CTDSPL2: variants seen among roughly 807,000 people sequenced by gnomAD.
The protein encoded by CTDSPL2 is CTD small phosphatase-like protein 2.
CTDSPL2 carries 5 observed loss-of-function variants against 60.0 expected under a neutral mutation model. That is an observed-to-expected ratio of 0.08 (90% CI 0.04 to 0.18). CTDSPL2 has a LOEUF of 0.18. Among genes scored for constraint, CTDSPL2 ranks in the 10% least tolerant of loss-of-function variants. The pLI, the probability that CTDSPL2 is intolerant of heterozygous loss-of-function variation, is 1.00. For synonymous variants in CTDSPL2, 186 were observed against 189.3 expected (o/e 0.98, Z 0.14); for missense variants, 370 against 548.8 (o/e 0.67, Z 3.26).
intron 1 of CTDSPL2, among the ~76,000 whole-genome samples, chr15:44,440,308 G>C: frequency 6.6e-6 from 1 of 151,160 alleles, no homozygotes; most frequent in East Asian, 1.9e-4. Flanking sequence ...CGATTTTCCT[G>C]CCTCAGCCTC....
chr15:44,484,322 A>G lies in CTDSPL2; in HGVS notation c.285A>G (p.Lys95=). Residue 95 remains lysine, a synonymous_variant, in exon 3 of 13, where the codon AAA becomes AAG. Transcript: ENST00000260327. ...CAAGAGCAGGAGAAAAACCTAACAA[A>G]CAGATATCTCGAGTAAGACGGAAAA... ...STPRAGEKPN[K]QISRVRRKSQ... The G allele has an allele frequency of 6.2e-7, 1 of 1,613,872 alleles. No homozygotes were observed. Among genetic ancestry groups the G allele is most frequent in the African/African-American group, 1.3e-5 (1 of 75,046 alleles).
chr15:44,467,904 A>C (rs563929237), intron 2 of CTDSPL2, among the ~76,000 whole-genome samples: 1 of 152,162 alleles, frequency 6.6e-6, no homozygotes. Flanking sequence ...AGAGTAGTAC[A>C]TAAATTTTTT....
intron 8 of CTDSPL2, among the ~76,000 whole-genome samples, chr15:44,505,453 G>C (rs923171211): frequency 6.6e-6 from 1 of 151,792 alleles, no homozygotes; most frequent in East Asian, 1.9e-4. Context: ...AAACATACGG[G>C]CCAGCCATGG....
chr15:44,445,935 CCTTT>C (rs1276035102), intron 1 of CTDSPL2, among the ~76,000 whole-genome samples: 1 of 146,212 alleles, frequency 6.8e-6, no homozygotes, highest in Non-Finnish European at 1.5e-5. Flanking sequence ...CTGTGCCTGG[CCTTT>C]TTTTTTTTTT....
intron 1 of CTDSPL2, among the ~76,000 whole-genome samples, chr15:44,429,141 T>C (rs1355362116): frequency 1.3e-5 from 2 of 152,234 alleles, no homozygotes; most frequent in Non-Finnish European, 2.9e-5. Context: ...TTTTCAATAA[T>C]AAACAGGAAC....
chr15:44,448,417 C>A, intron 1 of CTDSPL2: 1 of 248,140 alleles, frequency 4.0e-6, no homozygotes, highest in Non-Finnish European at 8.0e-6. Flanking sequence ...ATGGCCCAGG[C>A]CTGGACTCAT....
intron 1 of CTDSPL2, among the ~76,000 whole-genome samples, chr15:44,443,126 A>G (rs746235543): frequency 1.4e-4 from 22 of 152,224 alleles, no homozygotes; most frequent in Non-Finnish European, 2.6e-4. Context: ...CAGTGGTATT[A>G]AGTACATTCA....
intron 1 of CTDSPL2, chr15:44,448,667 G>A (rs923959725): frequency 1.2e-5 from 4 of 327,388 alleles, no homozygotes; most frequent in African/African-American, 9.0e-5. Flanking sequence ...CTAAATCCAT[G>A]CCCTCCATTC....
intron 8 of CTDSPL2, among the ~76,000 whole-genome samples, chr15:44,510,190 G>T (rs141938307): frequency 6.6e-6 from 1 of 152,012 alleles, no homozygotes; most frequent in African/African-American, 2.4e-5. Context: ...TAGAGACAGG[G>T]TTTCAACATG....
chr15:44,460,742 T>G (rs901498282), intron 2 of CTDSPL2, among the ~76,000 whole-genome samples: 3 of 152,186 alleles, frequency 2.0e-5, no homozygotes, highest in African/African-American at 4.8e-5. Context: ...TATAATTTCT[T>G]TGTTAATTTT....
At chr15:44,433,769 G>C (rs2079912705) in intron 1 of CTDSPL2, among the ~76,000 whole-genome samples, 1 of 151,764 alleles carries the variant, frequency 6.6e-6, no homozygotes, top group African/African-American at 2.4e-5. Context: ...GACCAACATG[G>C]TAAAACCCCG....
intron 5 of CTDSPL2, among the ~76,000 whole-genome samples, 192 bp downstream of exon 5, chr15:44,491,191 G>T: frequency 6.6e-6 from 1 of 152,138 alleles, no homozygotes; most frequent in Non-Finnish European, 1.5e-5. Flanking sequence ...TTTTTTAAAA[G>T]ATTTTGACTA....
intron 1 of CTDSPL2, chr15:44,428,031 G>C (rs1320242671): frequency 4.5e-6 from 1 of 222,434 alleles, no homozygotes; most frequent in Non-Finnish European, 8.7e-6. Flanking sequence ...GTGATTTCTG[G>C]GGTTAGATTT....
intron 1 of CTDSPL2, among the ~76,000 whole-genome samples, chr15:44,441,222 GT>G (rs201115106): frequency 6.6e-6 from 1 of 151,602 alleles, no homozygotes; most frequent in Non-Finnish European, 1.5e-5. Context: ...CAGTGGTAGA[GT>G]TTTTTTTTCT....
At chr15:44,491,032 T>C (rs772325010) in intron 5 of CTDSPL2, 33 bp downstream of exon 5, 14 of 1,466,694 alleles carry the variant, frequency 9.5e-6, no homozygotes, top group Non-Finnish European at 1.2e-5. Context: ...TACATCTTCA[T>C]GAGTAGTTGA....
intron 12 of CTDSPL2, among the ~76,000 whole-genome samples, 176 bp downstream of exon 12, chr15:44,521,582 G>A (rs1220101947): frequency 2.0e-5 from 3 of 152,120 alleles, no homozygotes; most frequent in Non-Finnish European, 2.9e-5. Context: ...GAGGCAGGAG[G>A]ATTGATTGAG....
Position 44,458,365 on chromosome 15 carries a change from CAAAT to C in CTDSPL2, c.-24-620_-24-617del, listed in dbSNP as rs564378076. Among the ~76,000 whole-genome samples the C allele has an allele frequency of 1.9e-4, 29 of 152,278 alleles. 1 individual carries two copies. In the East Asian group the frequency reaches 4.6e-3, roughly 24 times the overall value. Reference sequence around the variant, plus strand: ...GTCTTACCTATAAAATGAGAGAGCTCAAATAAATAGCCTCATATTTTCTTTCTGA... The same window carrying C: ...GTCTTACCTATAAAATGAGAGAGCTCAAATAGCCTCATATTTTCTTTCTGA... On this transcript the variant is annotated intron_variant, in intron 1 of 12. Transcript: ENST00000260327.
At position 44,484,348 on chromosome 15, in the gene CTDSPL2, G is replaced by A; in HGVS notation, c.311G>A (p.Ser104Asn). The change falls in exon 3 of 13, where the codon AGT becomes AAT. Residue 104 changes from serine (S) to asparagine (N), a missense_variant. Physicochemically the swap from Ser to Asn is conservative, Grantham distance 46. Transcript: ENST00000260327. ...CAGATATCTCGAGTAAGACGGAAAAGTCAAGTAAATGGAGGTTTGTTAATA... is the reference window on the plus strand; with the variant it reads ...CAGATATCTCGAGTAAGACGGAAAAATCAAGTAAATGGAGGTTTGTTAATA... ...NKQISRVRRK[S>N]QVNGEAGSYE... 6.2e-7 allele frequency: 1 copy of A among 1,613,532 alleles called. No individual in the cohort carries two copies.
chr15:44,528,502 G>A lies in CTDSPL2; in HGVS notation c.*4328G>A, dbSNP rs1384914689. The A allele has an allele frequency of 6.6e-6, 1 of 150,748 alleles. No individual in the cohort carries two copies. Among genetic ancestry groups the A allele is most frequent in the African/African-American group, 2.4e-5 (1 of 41,092 alleles). 9.3% of individuals were successfully genotyped at this position (150,748 alleles called of 1,614,324 possible). A position where few individuals can be genotyped will look rare whatever the true frequency, so the allele number is the denominator to read the frequency against. ...TAAAGTTCACCAGACATCTCTTTGTGGTAGAGTTTTTTTTTTTTTAAACTG... is the reference window on the plus strand; with the variant it reads ...TAAAGTTCACCAGACATCTCTTTGTAGTAGAGTTTTTTTTTTTTTAAACTG... On this transcript the variant is annotated 3_prime_UTR_variant, in exon 13 of 13. Transcript: ENST00000260327.
Sources: gnomAD v4.1 joint callset for allele counts (sites outside exome capture counted in the v4.1 genomes callset) on GRCh38, gnomAD v4.1.1 for gene constraint, MANE v1.5 for transcripts, NCBI Gene and HGNC (gene_info 2026-07-23, HGNC 2026-07-21) for gene names.